The following PALB2 variants were observed in gnomAD, a reference collection of about 807,000 sequenced individuals.
PALB2 encodes the protein partner and localizer of BRCA2.
Under a neutral mutation model 107.4 loss-of-function variants are expected in PALB2, and 82 were observed. That is an observed-to-expected ratio of 0.76 (90% CI 0.64 to 0.92). The LOEUF is 0.92. Among genes scored for constraint, PALB2 ranks in the 40% least tolerant of loss-of-function variants. PALB2 has a pLI of 0.00. For missense variants in PALB2, 1,374 were observed against 1,379.9 expected (o/e 1.00, Z 0.07); for synonymous variants, 489 against 496.8 (o/e 0.98, Z 0.21).
Position 23,635,740 on chromosome 16 carries a change from C to A in PALB2, c.806G>T (p.Gly269Val), listed in dbSNP as rs1431508303. ...SQHLEHIPPK[G>V]SSELTTHDLK... Reference sequence around the variant, plus strand: ...GTCGTGAGTAGTAAGTTCACTGCTACCTTTAGGAGGAATGTGTTCAAGGTG... The same window carrying A: ...GTCGTGAGTAGTAAGTTCACTGCTAACTTTAGGAGGAATGTGTTCAAGGTG... The change falls in exon 4 of 13, where the codon GGT (glycine) becomes GTT (valine). Residue 269 changes from glycine to valine, a missense_variant. Physicochemically the swap from Gly to Val is moderately radical, Grantham distance 109. Coordinates refer to ENST00000261584, the MANE Select transcript of PALB2 (RefSeq NM_024675.4). The A allele has an allele frequency of 6.2e-7, 1 of 1,614,100 alleles. No individual in the cohort carries two copies. The highest frequency in any genetic ancestry group is 1.7e-5 in the Admixed American group (1 of 60,012).
intron 11 of PALB2, among the ~76,000 whole-genome samples, chr16:23,612,027 C>T (rs937513908): frequency 6.6e-6 from 1 of 152,156 alleles, no homozygotes; most frequent in Non-Finnish European, 1.5e-5. Flanking sequence ...GGGAAAGATG[C>T]GGTCTTTGTG....
At chr16:23,612,523 CT>C (rs900478700) in intron 11 of PALB2, among the ~76,000 whole-genome samples, 10,106 of 119,476 alleles carry the variant, frequency 0.085, 324 homozygotes, top group East Asian at 0.16. Context: ...CAGGCCAAGA[CT>C]TTTTTTTTTT....
At chr16:23,624,126 T>C (rs1331009811) in intron 7 of PALB2, 32 bp from the exon 8 acceptor site, 1 of 1,480,234 alleles carries the variant, frequency 6.8e-7, no homozygotes, top group Admixed American at 1.7e-5. Flanking sequence ...AAAATTATGC[T>C]TGGTTGTTTC....
chr16:23,634,307 T>C (rs1368950446), intron 4 of PALB2, among the ~76,000 whole-genome samples: 1 of 152,204 alleles, frequency 6.6e-6, no homozygotes, highest in African/African-American at 2.4e-5. Context: ...CTACCTCACA[T>C]AGGACTGCTG....
Position 23,603,566 on chromosome 16 carries a change from G to A in PALB2, c.3454C>T (p.Pro1152Ser), listed in dbSNP as rs2142253457. 4.3e-6 allele frequency: 7 copies of A among 1,614,092 alleles called. No individual in the cohort carries two copies. The highest frequency in any genetic ancestry group is 5.9e-6 in the Non-Finnish European group (7 of 1,179,990). ...LLLGQCTALL[P>S]PVSDQHWSFV... The stretch of plus-strand genomic sequence containing the variant: ...GACCAATGTTGGTCAGAGACAGGTG[G>A]GAGGAGGGCAGTACACTGACCGAGA... The change falls in exon 13 of 13, where the codon CCA (proline) becomes TCA (serine). Residue 1152 changes from proline to serine, a missense_variant. Physicochemically the swap from Pro to Ser is moderately conservative, Grantham distance 74 (BLOSUM62 -1). Coordinates refer to ENST00000261584, the MANE Select transcript of PALB2 (RefSeq NM_024675.4).
intron 10 of PALB2, among the ~76,000 whole-genome samples, chr16:23,615,433 TAGTTGGGA>T (rs1186944714): frequency 6.6e-6 from 1 of 151,884 alleles, no homozygotes; most frequent in African/African-American, 2.4e-5. Context: ...CTGCCCCAAG[TAGTTGGGA>T]CTACAGCTGC....
chr16:23,616,550 G>A (rs1567210870), intron 10 of PALB2, among the ~76,000 whole-genome samples: 2 of 152,138 alleles, frequency 1.3e-5, no homozygotes, highest in Non-Finnish European at 2.9e-5. Flanking sequence ...TGAAATTGTA[G>A]GCTTTGATGG....
rs1966882589 is a variant in PALB2, at chr16:23,632,007, C to A, written c.1685-1538G>T. 2.0e-5 allele frequency among the ~76,000 whole-genome samples: 3 copies of A among 152,258 alleles called. No homozygotes were observed. The South Asian group carries it at 6.2e-4, about 32-fold the overall frequency. Reference sequence around the variant, plus strand: ...TTACCGCTCTTATTGCAAATGGTATCCCACATCATTCAAAATGTTGCTATA... The same window carrying A: ...TTACCGCTCTTATTGCAAATGGTATACCACATCATTCAAAATGTTGCTATA... On this transcript the variant is annotated intron_variant, in intron 4 of 12. Coordinates refer to ENST00000261584, the MANE Select transcript of PALB2 (RefSeq NM_024675.4).
At chr16:23,604,809 C>T (rs1396683525) in intron 12 of PALB2, among the ~76,000 whole-genome samples, 1 of 151,444 alleles carries the variant, frequency 6.6e-6, no homozygotes, top group Non-Finnish European at 1.5e-5. Context: ...CCTGGTGGCT[C>T]ACGCCGGTAA....
At chr16:23,604,047 G>GTT (rs1966416295) in intron 12 of PALB2, among the ~76,000 whole-genome samples, 2 of 152,152 alleles carry the variant, frequency 1.3e-5, no homozygotes, top group Non-Finnish European at 2.9e-5. Context: ...CATCATTCAG[G>GTT]CCTGTTATGT....
rs764750338 is a variant in PALB2, at chr16:23,635,231, C to T, written c.1315G>A (p.Gly439Arg). Residue 439 changes from glycine (G) to arginine (R), a missense_variant, in exon 4 of 13, where the codon GGG becomes AGG. Gly to Arg is a moderately radical substitution (Grantham distance 125, BLOSUM62 -2). Coordinates refer to ENST00000261584, the MANE Select transcript of PALB2 (RefSeq NM_024675.4). ...GCATCCTTATTTTTATTTTTAAACC[C>T]TTTTTTCTTGACATCCAAATGACTC... ...IQSHLDVKKK[G>R]FKNKNKDASK... is the part of the protein sequence containing the mutation. The T allele has an allele frequency of 6.2e-7, 1 of 1,614,040 alleles. No homozygotes were observed. The highest frequency in any genetic ancestry group is 8.5e-7 in the Non-Finnish European group (1 of 1,180,012).
Position 23,629,777 on chromosome 16 carries a change from C to T in PALB2, c.2377G>A (p.Gly793Ser), listed in dbSNP as rs878855109. The change falls in exon 5 of 13, where the codon GGC becomes AGC. Residue 793 changes from glycine to serine, a missense_variant. By Grantham distance (56) the Gly-to-Ser change is moderately conservative (BLOSUM62 0). Coordinates refer to ENST00000261584, the MANE Select transcript of PALB2 (RefSeq NM_024675.4). ...AKPHTTLQVS[G>S]RQGQPTCDCD... ...TCACAGGTAGGTTGTCCTTGCCTGC[C>T]TGACACTTGCAGGGTGGTATGTGGT... 1 of 1,614,214 alleles carries T rather than the reference C, an allele frequency of 6.2e-7. No homozygotes were observed. Among genetic ancestry groups the T allele is most frequent in the Non-Finnish European group, 8.5e-7 (1 of 1,180,038 alleles).
At chr16:23,632,508 T>C (rs1045843945) in intron 4 of PALB2, among the ~76,000 whole-genome samples, 7 of 152,048 alleles carry the variant, frequency 4.6e-5, no homozygotes, top group African/African-American at 1.4e-4. Flanking sequence ...TATGATTCCA[T>C]ATATATGAAA....
intron 1 of PALB2, chr16:23,638,375 G>C: frequency 1.8e-6 from 1 of 567,434 alleles, no homozygotes. Flanking sequence ...CCTTAGCTTA[G>C]ATTTTTATTT....
intron 10 of PALB2, 43 bp downstream of exon 10, chr16:23,621,319 A>G (rs1966766728): frequency 8.0e-7 from 1 of 1,252,146 alleles, no homozygotes; most frequent in Non-Finnish European, 1.2e-6. Context: ...GTATATCCTC[A>G]TACTACAGAT....
chr16:23,626,629 T>G (rs1487155523), intron 6 of PALB2, among the ~76,000 whole-genome samples: 2 of 152,170 alleles, frequency 1.3e-5, no homozygotes, highest in Admixed American at 6.5e-5. Flanking sequence ...TTTTAATTTT[T>G]GGGTGTTTTT....
Position 23,603,480 on chromosome 16 carries a change from T to C in PALB2, c.3540A>G (p.Ile1180Met), listed in dbSNP as rs1966395358. The change falls in exon 13 of 13, where the codon ATA (isoleucine) becomes ATG (methionine). Residue 1180 changes from isoleucine (I) to methionine (M), a missense_variant. Physicochemically the swap from Ile to Met is conservative, Grantham distance 10 (BLOSUM62 1). Transcript: ENST00000261584. ...TAACTTATGAATAGTGGTATACAAA[T>C]ATATTTCCATCTTTTTGTCCAGCCA... ...HLLAGQKDGN[I>M]FVYHYS 1 of 1,613,088 alleles carries C rather than the reference T, an allele frequency of 6.2e-7. No homozygotes were observed. The highest frequency in any genetic ancestry group is 2.2e-5 in the East Asian group (1 of 44,886).
rs772714719 is a variant in PALB2 at position 23,607,983 on chromosome 16, G to T, written c.3231C>A (p.Pro1077=). The T allele has an allele frequency of 4.3e-6, 7 of 1,614,012 alleles. No homozygotes were observed. Among genetic ancestry groups the T allele is most frequent in the Non-Finnish European group, 4.2e-6 (5 of 1,179,944 alleles). Residue 1077 remains proline, a synonymous_variant, in exon 12 of 13, where the codon CCC becomes CCA. Transcript: ENST00000261584. Reference sequence around the variant, plus strand: ...GCAACGACTCACTCTCTTTGGCACAGGGATGACTCAGGACAATAAAGAGAA... The same window carrying T: ...GCAACGACTCACTCTCTTTGGCACATGGATGACTCAGGACAATAAAGAGAA... ...MGLLFIVLSH[P]CAKESESLRS...
rs1567225760 is a variant in PALB2, at chr16:23,641,099, A to AC, written c.48+10dup. ...AGAGTCCTGCGTCCGCCCTTCCCGCACCCCCGGCACCTTTTCCTTCTCCTC... is the reference window on the plus strand; with the variant it reads ...AGAGTCCTGCGTCCGCCCTTCCCGCACCCCCCGGCACCTTTTCCTTCTCCTC... On this transcript the variant is annotated intron_variant, in intron 1 of 12. Coordinates refer to ENST00000261584, the MANE Select transcript of PALB2 (RefSeq NM_024675.4). 1 of 1,612,478 alleles carries AC rather than the reference A, an allele frequency of 6.2e-7. No homozygotes were observed. The highest frequency in any genetic ancestry group is 2.2e-5 in the East Asian group (1 of 44,836).
Sources: allele counts gnomAD v4.1 joint callset (sites outside exome capture counted in the v4.1 genomes callset), GRCh38; gene constraint gnomAD v4.1.1; transcripts MANE v1.5; gene names NCBI Gene and HGNC (gene_info 2026-07-23, HGNC 2026-07-21).